Variants in ATAD1 observed in about 807,000 individuals in gnomAD.
ATAD1 encodes the protein ATPase family AAA domain containing 1.
Under a neutral mutation model 42.7 loss-of-function variants are expected in ATAD1, and 18 were observed. The observed-to-expected ratio is 0.42, with a 90% CI of 0.29 to 0.63. ATAD1 has a LOEUF of 0.63. Among genes scored for constraint, ATAD1 ranks in the 20% least tolerant of loss-of-function variants. The pLI, the probability that ATAD1 is intolerant of heterozygous loss-of-function variation, is 0.19. For synonymous variants in ATAD1, 132 were observed against 143.1 expected (o/e 0.92, Z 0.55); for missense variants, 294 against 440.4 (o/e 0.67, Z 2.98).
chr10:87,818,151 G>A lies in ATAD1; in HGVS notation c.-14+16C>T, dbSNP rs1857518034. 1 of 985,638 alleles carries A rather than the reference G, an allele frequency of 1.0e-6. No individual in the cohort carries two copies. Among genetic ancestry groups the A allele is most frequent in the Non-Finnish European group, 1.2e-6 (1 of 830,082 alleles). The allele number at this position is 985,638 out of a possible 1,614,324, so 61.1% of individuals were successfully genotyped here. A position where few individuals can be genotyped will look rare whatever the true frequency, so the allele number is the denominator to read the frequency against. On this transcript the variant is annotated intron_variant, in intron 1 of 9. Coordinates refer to ENST00000680024, the MANE Select transcript of ATAD1 (RefSeq NM_001321967.2). ...GACAACCATCCCATGAGGCCCCACG[G>A]GAACCAGCTACTCACCCAGGGGCAG...
intron 7 of ATAD1, among the ~76,000 whole-genome samples, chr10:87,769,011 T>C (rs1295286024): frequency 6.6e-6 from 1 of 151,792 alleles, no homozygotes; most frequent in Non-Finnish European, 1.5e-5. Flanking sequence ...AGCCCAAGAG[T>C]CAAGGCTGCA....
At chr10:87,776,246 A>G in intron 6 of ATAD1, 75 bp downstream of exon 6, 1 of 1,080,064 alleles carries the variant, frequency 9.3e-7, no homozygotes, top group Admixed American at 2.1e-5. Context: ...ACAAAAGCAT[A>G]GTAAGTAGCC....
intron 7 of ATAD1, 142 bp from the exon 8 acceptor site, chr10:87,767,865 CA>C (rs1854837184): frequency 1.4e-6 from 1 of 695,512 alleles, no homozygotes; most frequent in East Asian, 2.9e-5. Flanking sequence ...GAGGTCAAAG[CA>C]ACTAGATTCA....
At chr10:87,764,026 A>G (rs1044885805) in intron 8 of ATAD1, among the ~76,000 whole-genome samples, 1 of 152,184 alleles carries the variant, frequency 6.6e-6, no homozygotes, top group African/African-American at 2.4e-5. Context: ...CCAGATATTA[A>G]AACTTACAAA....
At position 87,752,049 on chromosome 10, in the gene ATAD1, T is replaced by C. The variant is rs891799517; in HGVS notation, c.*2638A>G. The C allele has an allele frequency of 6.6e-6, 1 of 152,186 alleles. No homozygotes were observed. Among genetic ancestry groups the C allele is most frequent in the African/African-American group, 2.4e-5 (1 of 41,452 alleles). 9.4% of individuals were successfully genotyped at this position (152,186 alleles called of 1,614,324 possible). ...ACTAAATAATGTTAAGCTATTATGATGCATACAGAATAGAGTACCCCAACC... is the reference window on the plus strand; with the variant it reads ...ACTAAATAATGTTAAGCTATTATGACGCATACAGAATAGAGTACCCCAACC... On this transcript the variant is annotated 3_prime_UTR_variant, in exon 10 of 10. Coordinates refer to ENST00000680024, the MANE Select transcript of ATAD1 (RefSeq NM_001321967.2).
intron 2 of ATAD1, 84 bp downstream of exon 2, chr10:87,814,354 T>C (rs1314251449): frequency 7.6e-7 from 1 of 1,314,428 alleles, no homozygotes; most frequent in African/African-American, 1.5e-5. Flanking sequence ...TCTCATTAAT[T>C]TGTGAACTCT....
chr10:87,804,373 AATT>A (rs1856832736), intron 2 of ATAD1, among the ~76,000 whole-genome samples: 1 of 152,040 alleles, frequency 6.6e-6, no homozygotes, highest in Admixed American at 6.6e-5. Context: ...TATATAGTCT[AATT>A]ATTATTATTT....
intron 8 of ATAD1, chr10:87,759,617 A>G (rs1447225701): frequency 3.0e-6 from 1 of 337,448 alleles, no homozygotes; most frequent in Non-Finnish European, 5.9e-6. Flanking sequence ...ACAGTTAGAA[A>G]GATGAACCAA....
chr10:87,766,621 A>T (rs1377582335), intron 8 of ATAD1, among the ~76,000 whole-genome samples: 4 of 152,208 alleles, frequency 2.6e-5, no homozygotes, highest in Non-Finnish European at 5.9e-5. Context: ...TGGTAAAAAT[A>T]TATGGTAAAA....
At chr10:87,773,405 G>A (rs1370543244) in intron 6 of ATAD1, among the ~76,000 whole-genome samples, 1 of 152,084 alleles carries the variant, frequency 6.6e-6, no homozygotes, top group Admixed American at 6.5e-5. Flanking sequence ...CATATTACAA[G>A]AAAGCTAGCT....
chr10:87,836,297 T>C (rs1447885361), intron 1 of ATAD1, among the ~76,000 whole-genome samples: 5 of 152,158 alleles, frequency 3.3e-5, no homozygotes, highest in Non-Finnish European at 5.9e-5. Flanking sequence ...TTATTCTTGA[T>C]GTTTCAGGTT....
At chr10:87,788,751 C>T (rs1007362567) in intron 4 of ATAD1, among the ~76,000 whole-genome samples, 1 of 152,174 alleles carries the variant, frequency 6.6e-6, no homozygotes, top group Non-Finnish European at 1.5e-5. Context: ...CAATTGAGAA[C>T]TAAAAATGCA....
chr10:87,795,557 A>G (rs951670722), intron 2 of ATAD1, among the ~76,000 whole-genome samples: 5 of 151,406 alleles, frequency 3.3e-5, no homozygotes, highest in African/African-American at 7.3e-5. Flanking sequence ...GGGCCAAAAG[A>G]AGGAGGAAAA....
rs1184371779 is a variant in ATAD1, at chr10:87,797,885, GAACT to G, written c.163-5134_163-5131del. On this transcript the variant is annotated intron_variant, in intron 2 of 9. Transcript: ENST00000680024. ...TCTGCGCACATTTGTGTGAGGAACTGAACTGTTGTTTTTGCAGGTAAATGACAGA... is the reference window on the plus strand; with the variant it reads ...TCTGCGCACATTTGTGTGAGGAACTGGTTGTTTTTGCAGGTAAATGACAGA... Among the ~76,000 whole-genome samples the G allele has an allele frequency of 2.0e-5, 3 of 152,212 alleles. No individual in the cohort carries two copies. In the South Asian group the frequency reaches 6.2e-4, roughly 32 times the overall value.
intron 1 of ATAD1, among the ~76,000 whole-genome samples, chr10:87,816,224 G>C (rs1433734564): frequency 6.6e-6 from 1 of 151,974 alleles, no homozygotes; most frequent in Non-Finnish European, 1.5e-5. Context: ...ACAAAACAGA[G>C]GCTATTCAAA....
At chr10:87,824,524 A>G (rs112079520) in intron 1 of ATAD1, among the ~76,000 whole-genome samples, 311 of 152,338 alleles carry the variant, frequency 2.0e-3, no homozygotes, top group Middle Eastern at 6.8e-3. Flanking sequence ...ATGGACTTGC[A>G]CTAAGAATTC....
At chr10:87,830,481 C>G (rs1857808207) in intron 1 of ATAD1, among the ~76,000 whole-genome samples, 1 of 152,198 alleles carries the variant, frequency 6.6e-6, no homozygotes, top group African/African-American at 2.4e-5. Flanking sequence ...GAAACACTCA[C>G]ATAGATTCTT....
chr10:87,824,872 TA>T (rs1857696582), intron 1 of ATAD1, among the ~76,000 whole-genome samples: 1 of 152,222 alleles, frequency 6.6e-6, no homozygotes, highest in South Asian at 2.1e-4. Context: ...CAGTAGTCTA[TA>T]AAACATTTAT....
At chr10:87,796,737 G>A (rs775967917) in intron 2 of ATAD1, among the ~76,000 whole-genome samples, 6 of 152,176 alleles carry the variant, frequency 3.9e-5, no homozygotes, top group African/African-American at 7.2e-5. Context: ...AGGTGACCCT[G>A]ACCTTTGACA....
Sources: allele counts gnomAD v4.1 joint callset (sites outside exome capture counted in the v4.1 genomes callset), GRCh38; gene constraint gnomAD v4.1.1; transcripts MANE v1.5; gene names NCBI Gene and HGNC (gene_info 2026-07-23, HGNC 2026-07-21).